Variants in PLXDC2 observed in about 807,000 individuals in gnomAD.
The protein encoded by PLXDC2 is plexin domain containing 2.
In PLXDC2, 40 loss-of-function variants were observed where a neutral mutation model predicts 68.9. The observed-to-expected ratio is 0.58, with a 90% CI of 0.45 to 0.76. The LOEUF (loss-of-function observed/expected upper bound fraction) is 0.76. PLXDC2 is among the 30% of genes least tolerant of loss of function. The probability of loss-of-function intolerance (pLI) is 0.00; values close to 1 mark genes in which losing one functional copy is unlikely to be tolerated. For synonymous variants in PLXDC2, 243 were observed against 234.2 expected (o/e 1.04, Z -0.34); for missense variants, 644 against 661.9 (o/e 0.97, Z 0.30).
Position 20,217,591 on chromosome 10 carries a change from G to C in PLXDC2, c.1273+15G>C, listed in dbSNP as rs867219543. 1 of 398,062 alleles carries C rather than the reference G, an allele frequency of 2.5e-6. No homozygotes were observed. Among genetic ancestry groups the C allele is most frequent in the Admixed American group, 5.3e-5 (1 of 19,024 alleles). 24.7% of individuals were successfully genotyped at this position (398,062 alleles called of 1,614,324 possible). A position where few individuals can be genotyped will look rare whatever the true frequency, so the allele number is the denominator to read the frequency against. On this transcript the variant is annotated intron_variant, in intron 11 of 13. Coordinates refer to ENST00000377252, the MANE Select transcript of PLXDC2 (RefSeq NM_032812.9). ...CCCTACAGAAGGTACCCAAGAGATA[G>C]TTTGCTTTTTTTTTTTTTTTTTTTT...
At chr10:19,890,714 A>G (rs1433152606) in intron 1 of PLXDC2, among the ~76,000 whole-genome samples, 1 of 138,030 alleles carries the variant, frequency 7.2e-6, no homozygotes, top group Non-Finnish European at 1.5e-5. Context: ...TTAAATCAAG[A>G]ACGGCTAAAC....
At chr10:20,072,539 GAAAGA>G (rs1316841894) in intron 4 of PLXDC2, among the ~76,000 whole-genome samples, 1,808 of 109,400 alleles carry the variant, frequency 0.017, 108 homozygotes, top group African/African-American at 0.095. Context: ...AAGAAAGAAA[GAAAGA>G]AAGAAAGAAA....
intron 12 of PLXDC2, among the ~76,000 whole-genome samples, chr10:20,230,710 A>AAAC (rs1477181247): frequency 5.8e-4 from 87 of 149,808 alleles, no homozygotes; most frequent in African/African-American, 2.0e-3. Flanking sequence ...AAAAAAAAAA[A>AAAC]AAAACAGGAA....
chr10:20,204,146 T>G (rs1834959195), intron 9 of PLXDC2, among the ~76,000 whole-genome samples: 1 of 152,134 alleles, frequency 6.6e-6, no homozygotes, highest in African/African-American at 2.4e-5. Context: ...ACTTGTCCAT[T>G]TCATGCCTGA....
intron 1 of PLXDC2, among the ~76,000 whole-genome samples, chr10:19,860,815 T>A (rs1837305388): frequency 6.6e-6 from 1 of 152,114 alleles, no homozygotes; most frequent in South Asian, 2.1e-4. Context: ...TGGTTAAAGG[T>A]ATGTACATAG....
At chr10:20,108,494 CA>C (rs1311138244) in intron 4 of PLXDC2, among the ~76,000 whole-genome samples, 4 of 152,106 alleles carry the variant, frequency 2.6e-5, no homozygotes, top group Non-Finnish European at 5.9e-5. Context: ...ATCATCTGTA[CA>C]GTAGACAGTG....
At chr10:20,179,974 G>A (rs1162694411) in intron 9 of PLXDC2, among the ~76,000 whole-genome samples, 1 of 152,042 alleles carries the variant, frequency 6.6e-6, no homozygotes, top group Non-Finnish European at 1.5e-5. Flanking sequence ...CCAGGTTGCA[G>A]GTGCATTAAG....
At chr10:20,104,272 G>A (rs887605340) in intron 4 of PLXDC2, among the ~76,000 whole-genome samples, 1 of 152,114 alleles carries the variant, frequency 6.6e-6, no homozygotes, top group Admixed American at 6.5e-5. Context: ...CTGGGCAATA[G>A]GATCAAATAT....
intron 1 of PLXDC2, among the ~76,000 whole-genome samples, chr10:19,869,468 A>AGGG (rs555686208): frequency 9.0e-5 from 4 of 44,580 alleles, no homozygotes; most frequent in African/African-American, 2.2e-4. Context: ...AGAGAGAGAA[A>AGGG]GGGGGGGGGG....
intron 1 of PLXDC2, among the ~76,000 whole-genome samples, chr10:19,927,537 T>TA (rs1472414443): frequency 2.6e-5 from 4 of 151,110 alleles, no homozygotes; most frequent in South Asian, 2.1e-4. Context: ...CCGTCTCTAC[T>TA]AAAAAAATAC....
Position 19,983,457 on chromosome 10 carries a change from T to A in PLXDC2, c.113-18318T>A, listed in dbSNP as rs1834586474. The stretch of plus-strand genomic sequence containing the variant: ...CTTGGAGGATAAATGCCTACTTAAC[T>A]TTTTTGGAAGTCAAGTCAGGTGGAG... On this transcript the variant is annotated intron_variant, in intron 1 of 13. Transcript: ENST00000377252. Among the ~76,000 whole-genome samples the A allele has an allele frequency of 2.0e-5, 3 of 152,310 alleles. No homozygotes were observed. In the South Asian group the frequency reaches 6.2e-4, roughly 32 times the overall value.
At chr10:19,819,031 TACACACACAC>T (rs63295361) in intron 1 of PLXDC2, among the ~76,000 whole-genome samples, 78 of 147,840 alleles carry the variant, frequency 5.3e-4, no homozygotes, top group East Asian at 6.0e-4. Context: ...AATATATGTA[TACACACACAC>T]ACACACACAC....
At chr10:19,890,576 C>CT (rs1554842942) in intron 1 of PLXDC2, among the ~76,000 whole-genome samples, 7 of 148,630 alleles carry the variant, frequency 4.7e-5, no homozygotes, top group Non-Finnish European at 8.9e-5. Flanking sequence ...AGGGTTTCAC[C>CT]GCGTTAGCCA....
At chr10:20,085,610 T>C (rs1006153349) in intron 4 of PLXDC2, among the ~76,000 whole-genome samples, 1 of 152,156 alleles carries the variant, frequency 6.6e-6, no homozygotes, top group Non-Finnish European at 1.5e-5. Context: ...ATTATTATGA[T>C]TTGATTTGGG....
intron 1 of PLXDC2, among the ~76,000 whole-genome samples, chr10:19,829,154 CTTTTT>C (rs71388870): frequency 2.1e-5 from 2 of 94,416 alleles, no homozygotes; most frequent in Non-Finnish European, 2.0e-5. Context: ...ACGCTTTCCT[CTTTTT>C]TTTTTTTTTT....
chr10:20,207,989 C>G (rs1835015808), intron 9 of PLXDC2, among the ~76,000 whole-genome samples: 1 of 151,948 alleles, frequency 6.6e-6, no homozygotes, highest in Admixed American at 6.6e-5. Context: ...ATCATGTGGA[C>G]TCATTGCAAA....
intron 1 of PLXDC2, among the ~76,000 whole-genome samples, chr10:19,892,418 C>G (rs1254093658): frequency 2.0e-5 from 3 of 152,156 alleles, no homozygotes; most frequent in African/African-American, 7.2e-5. Context: ...CACTACCCGC[C>G]CAGTGCTGAT....
chr10:20,285,190 G>A lies in PLXDC2; in HGVS notation c.*5371G>A, dbSNP rs1836136652. On this transcript the variant is annotated 3_prime_UTR_variant, in exon 14 of 14. Transcript: ENST00000377252. ...AAGGTTTTTTGGGCAGATAATGCGA[G>A]GTCTGTGGTGTTACCTTTTATATAC... 1 of 152,090 alleles carries A rather than the reference G, an allele frequency of 6.6e-6. No individual in the cohort carries two copies. Among genetic ancestry groups the A allele is most frequent in the Non-Finnish European group, 1.5e-5 (1 of 68,034 alleles). 9.4% of individuals were successfully genotyped at this position (152,090 alleles called of 1,614,324 possible). A position where few individuals can be genotyped will look rare whatever the true frequency, so the allele number is the denominator to read the frequency against.
At chr10:19,866,819 A>T (rs1160919549) in intron 1 of PLXDC2, among the ~76,000 whole-genome samples, 2 of 152,156 alleles carry the variant, frequency 1.3e-5, no homozygotes, top group African/African-American at 2.4e-5. Context: ...CAATACATGG[A>T]GGTTATACAT....
Sources: gnomAD v4.1 joint callset for allele counts (sites outside exome capture counted in the v4.1 genomes callset) on GRCh38, gnomAD v4.1.1 for gene constraint, MANE v1.5 for transcripts, NCBI Gene and HGNC (gene_info 2026-07-23, HGNC 2026-07-21) for gene names.